PHIP: variants seen among roughly 807,000 people sequenced by gnomAD.
PHIP encodes PH-interacting protein.
A neutral mutation model predicts 236.8 loss-of-function variants in PHIP; 54 were observed. The observed-to-expected ratio is 0.23, with a 90% confidence interval of 0.18 to 0.29. PHIP has a LOEUF of 0.29. Among genes scored for constraint, PHIP ranks in the 10% least tolerant of loss-of-function variants. PHIP has a pLI of 1.00. For synonymous variants in PHIP, 756 were observed against 718.9 expected, an observed-to-expected ratio of 1.05 and a Z score of -0.83; for missense variants, 1,370 against 2,190.8, an observed-to-expected ratio of 0.63 and a Z score of 7.48.
intron 15 of PHIP, among the ~76,000 whole-genome samples, chr6:79,010,863 T>C (rs547657729): frequency 6.6e-6 from 1 of 152,038 alleles, no homozygotes; most frequent in South Asian, 2.1e-4. Flanking sequence ...GTTAAACTCG[T>C]AGTTAAAACT....
intron 16 of PHIP, among the ~76,000 whole-genome samples, chr6:79,002,707 C>T (rs952408083): frequency 2.6e-5 from 4 of 152,040 alleles, no homozygotes; most frequent in Non-Finnish European, 4.4e-5. Context: ...AAAGCTACCA[C>T]TAAAAATAAG....
chr6:79,060,693 T>C lies in PHIP; in HGVS notation c.315A>G (p.Arg105=). The change falls in exon 5 of 40, where the codon AGA becomes AGG. Residue 105 remains arginine, a synonymous_variant. Coordinates refer to ENST00000275034, the MANE Select transcript of PHIP (RefSeq NM_017934.7). ...PGVQTLLGAG[R]QSLLRTNKSC... ...TTTTATTTGTGCGTAGTAAAGACTG[T>C]CTTCCAGCTCCTAATAAAGTTTGTA... is the stretch of plus-strand genomic sequence containing the variant. 1 of 1,613,466 alleles carries C rather than the reference T, an allele frequency of 6.2e-7. No individual in the cohort carries two copies. Among genetic ancestry groups the C allele is most frequent in the Non-Finnish European group, 8.5e-7 (1 of 1,179,624 alleles).
intron 24 of PHIP, among the ~76,000 whole-genome samples, chr6:78,974,516 T>C (rs1355067671): frequency 2.0e-5 from 3 of 150,798 alleles, no homozygotes; most frequent in Non-Finnish European, 4.4e-5. Context: ...AGGCAAGAAA[T>C]AACTAAGATC....
At chr6:79,030,561 T>G (rs1360722732) in intron 7 of PHIP, among the ~76,000 whole-genome samples, 33 of 152,206 alleles carry the variant, frequency 2.2e-4, no homozygotes. Flanking sequence ...TTTAACCTGC[T>G]GAGGTAGTCA....
At chr6:79,077,589 C>G in intron 3 of PHIP, 82 bp from the exon 4 acceptor site, 1 of 909,322 alleles carries the variant, frequency 1.1e-6, no homozygotes, top group Non-Finnish European at 1.3e-6. Context: ...CGCGCCCCGG[C>G]GGGGACCCCG....
intron 39 of PHIP, among the ~76,000 whole-genome samples, chr6:78,944,697 G>A (rs913641458): frequency 2.0e-5 from 3 of 152,204 alleles, no homozygotes; most frequent in Admixed American, 1.3e-4. Flanking sequence ...AGAGGTTTCT[G>A]AAGACAACAA....
intron 6 of PHIP, among the ~76,000 whole-genome samples, chr6:79,050,519 C>T (rs1772739466): frequency 6.6e-6 from 1 of 152,142 alleles, no homozygotes; most frequent in South Asian, 2.1e-4. Context: ...AAAAGAAAGA[C>T]TGAAAGAAAA....
chr6:79,050,281 TGCCAG>T (rs1250262867), intron 6 of PHIP, among the ~76,000 whole-genome samples: 1 of 152,192 alleles, frequency 6.6e-6, no homozygotes, highest in African/African-American at 2.4e-5. Flanking sequence ...TTTTACTACA[TGCCAG>T]GCACTATTCT....
chr6:79,061,149 A>G (rs2127772801), intron 4 of PHIP, among the ~76,000 whole-genome samples: 1 of 152,326 alleles, frequency 6.6e-6, no homozygotes, highest in South Asian at 2.1e-4. Flanking sequence ...CAACTTCAAA[A>G]TACTGCTTAA....
rs36155238 is a variant in PHIP, at chr6:78,940,548, GTTTTTTTT to G, written c.*137_*144del. The G allele has an allele frequency of 7.3e-5, 6 of 82,712 alleles. No individual in the cohort carries two copies. Among genetic ancestry groups the G allele is most frequent in the East Asian group, 3.7e-4 (1 of 2,688 alleles). The allele number at this position is 82,712 out of a possible 1,614,324, so 5.1% of individuals were successfully genotyped here. On this transcript the variant is annotated 3_prime_UTR_variant, in exon 40 of 40. Coordinates refer to ENST00000275034, the MANE Select transcript of PHIP (RefSeq NM_017934.7). ...AAGAAGTGAAGTGTCTCGTAAGTTT[GTTTTTTTT>G]TTTTTTTTTTTTTTTGCAAATCAAA...
chr6:78,959,241 A>G (rs773868581), intron 31 of PHIP, among the ~76,000 whole-genome samples: 5 of 152,158 alleles, frequency 3.3e-5, no homozygotes, highest in Non-Finnish European at 7.4e-5. Flanking sequence ...ATTATCTAAT[A>G]TGTGGCCTGA....
At chr6:79,048,602 T>C (rs1199483682) in intron 6 of PHIP, among the ~76,000 whole-genome samples, 1 of 152,092 alleles carries the variant, frequency 6.6e-6, no homozygotes, top group Admixed American at 6.6e-5. Context: ...AAATTAACCA[T>C]GGTTAAAAAA....
chr6:78,979,284 C>G (rs1387061468), intron 23 of PHIP, among the ~76,000 whole-genome samples: 1 of 151,870 alleles, frequency 6.6e-6, no homozygotes, highest in Non-Finnish European at 1.5e-5. Flanking sequence ...GAAGCAAAAC[C>G]CAAAAATCCA....
chr6:78,991,392 T>C lies in PHIP; in HGVS notation c.2202-407A>G, dbSNP rs112330008. ...AGCTGGAATCTCTTTAAAAATTCAA[T>C]ACAACAGACCCTGAGGTTACACGGA... On this transcript the variant is annotated intron_variant, in intron 19 of 39. Coordinates refer to ENST00000275034, the MANE Select transcript of PHIP (RefSeq NM_017934.7). Among the ~76,000 whole-genome samples, 320 of 151,418 alleles carry C rather than the reference T, an allele frequency of 2.1e-3. 2 individuals carry two copies. Among genetic ancestry groups the C allele is most frequent in the African/African-American group, 7.3e-3 (300 of 41,230 alleles).
In PHIP at chr6:79,060,827, T is replaced by C; in HGVS notation, c.190-9A>G. The C allele has an allele frequency of 7.6e-6, 12 of 1,571,410 alleles. No individual in the cohort carries two copies. Among genetic ancestry groups the C allele is most frequent in the Non-Finnish European group, 1.0e-5 (12 of 1,153,386 alleles). ...TGTCTGTAATACTTCACCTATTATG[T>C]AAAAGACAAATATAGTAGGTTTCAG... is the stretch of plus-strand genomic sequence containing the variant. On this transcript the variant is annotated splice_polypyrimidine_tract_variant and intron_variant, in intron 4 of 39. Coordinates refer to ENST00000275034, the MANE Select transcript of PHIP (RefSeq NM_017934.7).
rs116876388 is a variant in PHIP at position 79,014,489 on chromosome 6, T to C, written c.1524+593A>G. ...ACTGCAGTAGTTGAGGAGACCTTAA[T>C]ACTTCATACAGTAAATAGAAACACT... On this transcript the variant is annotated intron_variant, in intron 15 of 39. Coordinates refer to ENST00000275034, the MANE Select transcript of PHIP (RefSeq NM_017934.7). Among the ~76,000 whole-genome samples the C allele has an allele frequency of 1.6e-3, 240 of 151,924 alleles. 3 individuals carry two copies. In the East Asian group the frequency reaches 0.043, roughly 27 times the overall value.
chr6:79,075,378 A>T (rs183651310), intron 4 of PHIP, among the ~76,000 whole-genome samples: 1 of 152,170 alleles, frequency 6.6e-6, no homozygotes, highest in South Asian at 2.1e-4. Context: ...CCAAGTTCTA[A>T]TAAGATTTCT....
intron 7 of PHIP, among the ~76,000 whole-genome samples, chr6:79,029,649 C>G (rs1771573534): frequency 6.6e-6 from 1 of 152,016 alleles, no homozygotes; most frequent in African/African-American, 2.4e-5. Context: ...CATGCCTCAG[C>G]CTCCTGAGTA....
Position 78,959,875 on chromosome 6 carries a change from G to T in PHIP, c.3657-1275C>A, listed in dbSNP as rs1383540702. 3.3e-5 allele frequency among the ~76,000 whole-genome samples: 5 copies of T among 152,206 alleles called. No individual in the cohort carries two copies. The East Asian group carries it at 9.6e-4, about 29-fold the overall frequency. ...AAATACCATTAAGTCAAAAATGCAT[G>T]CGATATACTTAACCTAGCAAATATT... On this transcript the variant is annotated intron_variant, in intron 31 of 39. Coordinates refer to ENST00000275034, the MANE Select transcript of PHIP (RefSeq NM_017934.7).
Sources: allele counts gnomAD v4.1 joint callset (sites outside exome capture counted in the v4.1 genomes callset), GRCh38; gene constraint gnomAD v4.1.1; transcripts MANE v1.5; gene names NCBI Gene and HGNC (gene_info 2026-07-23, HGNC 2026-07-21).